Variants in FLG observed in about 807,000 individuals in gnomAD.
The protein encoded by FLG is filaggrin, also known as epidermal filaggrin.
A neutral mutation model predicts 3.8 loss-of-function variants in FLG; 6 were observed. The observed-to-expected ratio is 1.60, with a 90% CI of 0.87 to 3.15. The LOEUF is 3.15. Ranked by LOEUF, FLG falls within the 30% of genes most tolerant of loss-of-function variation. FLG has a pLI of 0.00. For missense variants in FLG, 7,595 were observed against 5,050.9 expected (o/e 1.50, Z -15.27); for synonymous variants, 2,551 against 1,931.6 (o/e 1.32, Z -8.41).
At position 152,314,758 on chromosome 1, in the gene FLG, G is replaced by A. The variant is rs540838582; in HGVS notation, c.139-11C>T. Reference sequence around the variant, plus strand: ...TGGGTCATCTGGATTCTGTACAGAGGGAAGTCACAGAGGGAGACTGCATCA... The same window carrying A: ...TGGGTCATCTGGATTCTGTACAGAGAGAAGTCACAGAGGGAGACTGCATCA... On this transcript the variant is annotated splice_polypyrimidine_tract_variant and intron_variant, in intron 2 of 2. Transcript: ENST00000368799. The A allele has an allele frequency of 1.2e-6, 2 of 1,613,724 alleles. No individual in the cohort carries two copies. The highest frequency in any genetic ancestry group is 1.7e-6 in the Non-Finnish European group (2 of 1,179,812).
In FLG at chr1:152,305,417, C is replaced by T; in HGVS notation, c.9469G>A (p.Gly3157Arg). 1.2e-6 allele frequency: 2 copies of T among 1,603,012 alleles called. No individual in the cohort carries two copies. The highest frequency in any genetic ancestry group is 1.7e-6 in the Non-Finnish European group (2 of 1,178,338). Residue 3157 changes from glycine (G) to arginine (R), a missense_variant, in exon 3 of 3, where the codon GGA becomes AGA. Transcript: ENST00000368799. Reference protein sequence around the residue: ...GRSDASRGQSGSRSASRTTRN... With the variant: ...GRSDASRGQSRSRSASRTTRN... ...GTTGTTCTGCTTGCACTTCTGGATCCTGACTGCCCACGGGAGGCATCAGAC... is the reference window on the plus strand; with the variant it reads ...GTTGTTCTGCTTGCACTTCTGGATCTTGACTGCCCACGGGAGGCATCAGAC...
rs1268296182 is a variant in FLG at position 152,310,509 on chromosome 1, T to C, written c.4377A>G (p.Ala1459=). The C allele has an allele frequency of 1.9e-6, 3 of 1,613,648 alleles. No homozygotes were observed. In the African/African-American group the frequency reaches 4.0e-5, roughly 22 times the overall value. Residue 1459 remains alanine, a synonymous_variant, in exon 3 of 3, where the codon GCA becomes GCG. Transcript: ENST00000368799. ...EQSESTHGQT[A]PSTGGRQGSR... The stretch of plus-strand genomic sequence containing the variant: ...ATCCTTGTCTTCCTCCAGTGCTGGG[T>C]GCAGTCTGTCCGTGTGTGGACTCAG...
chr1:152,307,491 G>A lies in FLG; in HGVS notation c.7395C>T (p.His2465=), dbSNP rs1432255409. The A allele has an allele frequency of 5.0e-6, 8 of 1,613,318 alleles. No homozygotes were observed. In the African/African-American group the frequency reaches 5.4e-5, roughly 11 times the overall value. The change falls in exon 3 of 3, where the codon CAC becomes CAT. Residue 2465 remains histidine, a synonymous_variant. Coordinates refer to ENST00000368799, the MANE Select transcript of FLG (RefSeq NM_002016.2). ...GCCTTCCTCCACTGCTTGACCCCGG[G>A]TGTCCATGAATGGTGTCCTGACCCT... is the stretch of plus-strand genomic sequence containing the variant. The part of the protein sequence containing the change: ...SQEGQDTIHG[H]PGSSSGGRQG...
At position 152,314,506 on chromosome 1, in the gene FLG, C is replaced by G. The variant is rs887142225; in HGVS notation, c.380G>C (p.Ser127Thr). 6.2e-7 allele frequency: 1 copy of G among 1,613,368 alleles called. No homozygotes were observed. The highest frequency in any genetic ancestry group is 8.5e-7 in the Non-Finnish European group (1 of 1,179,870). The change falls in exon 3 of 3, where the codon AGT (serine) becomes ACT (threonine). Residue 127 changes from serine to threonine, a missense_variant. Physicochemically the swap from Ser to Thr is moderately conservative, Grantham distance 58 (BLOSUM62 1). Coordinates refer to ENST00000368799, the MANE Select transcript of FLG (RefSeq NM_002016.2). ...TTTTCTATTGTTTCTTCTTTCCAGACTTGAGGGTCTTTTTCTGTTTTCTTT... is the reference window on the plus strand; with the variant it reads ...TTTTCTATTGTTTCTTCTTTCCAGAGTTGAGGGTCTTTTTCTGTTTTCTTT... ...ENKENRKRPS[S>T]LERRNNRKGN... is the part of the protein sequence containing the mutation.
Position 152,308,717 on chromosome 1 carries a change from G to A in FLG, c.6169C>T (p.Gln2057Ter), listed in dbSNP as rs369424988. 2.8e-5 allele frequency: 45 copies of A among 1,613,998 alleles called. No homozygotes were observed. Among genetic ancestry groups the A allele is most frequent in the Non-Finnish European group, 3.6e-5 (42 of 1,180,010 alleles). Residue 2057 changes from glutamine to a stop codon, truncating the protein, a stop_gained, in exon 3 of 3, where the codon CAG becomes TAG. Coordinates refer to ENST00000368799, the MANE Select transcript of FLG (RefSeq NM_002016.2). LOFTEE classifies it low-confidence loss of function (END_TRUNC). ...GCTTTTCCCTGTGCTGACACTGACT[G>A]TGTGTCTGAGTCTTCTGAATGTCCC... Reference protein sequence around the residue: ...SEGHSEDSDTQSVSAQGKAGP... With the variant: ...SEGHSEDSDT
In FLG at chr1:152,321,157, C is replaced by A. The variant is rs374912641; in HGVS notation, c.-22+4032G>T. Among the ~76,000 whole-genome samples, 20 of 150,564 alleles carry A rather than the reference C, an allele frequency of 1.3e-4. No individual in the cohort carries two copies. In the East Asian group the frequency reaches 2.1e-3, roughly 16 times the overall value. ...ATGATATCTCTTTTTCCCATCCTTTCATTTTCAATCACTGTTATCATTTTT... is the reference window on the plus strand; with the variant it reads ...ATGATATCTCTTTTTCCCATCCTTTAATTTTCAATCACTGTTATCATTTTT... On this transcript the variant is annotated intron_variant, in intron 1 of 2. Coordinates refer to ENST00000368799, the MANE Select transcript of FLG (RefSeq NM_002016.2).
chr1:152,308,749 T>C lies in FLG; in HGVS notation c.6137A>G (p.Asp2046Gly), dbSNP rs1288045858. ...HRGYSGSQASDSEGHSEDSDT... is the reference protein window; with the variant it reads ...HRGYSGSQASGSEGHSEDSDT... ...TGAGTCTTCTGAATGTCCCTCACTGTCACTGGCCTGACTACCACTGTACCC... is the reference window on the plus strand; with the variant it reads ...TGAGTCTTCTGAATGTCCCTCACTGCCACTGGCCTGACTACCACTGTACCC... The change falls in exon 3 of 3, where the codon GAC becomes GGC. Residue 2046 changes from aspartate to glycine, a missense_variant. Coordinates refer to ENST00000368799, the MANE Select transcript of FLG (RefSeq NM_002016.2). 6.2e-7 allele frequency: 1 copy of C among 1,614,174 alleles called. No homozygotes were observed. Among genetic ancestry groups the C allele is most frequent in the Non-Finnish European group, 8.5e-7 (1 of 1,180,002 alleles).
Position 152,304,342 on chromosome 1 carries a change from C to G in FLG, c.10544G>C (p.Ser3515Thr). The change falls in exon 3 of 3, where the codon AGC (serine) becomes ACC (threonine). Residue 3515 changes from serine (S) to threonine (T), a missense_variant. Coordinates refer to ENST00000368799, the MANE Select transcript of FLG (RefSeq NM_002016.2). ...CTGGCCGGACTGTGAGTGTCTAGAG[C>G]TGTCCGCCTGAGTGGAAGCTTCATG... Reference protein sequence around the residue: ...HHHEASTQADSSRHSQSGQGQ... With the variant: ...HHHEASTQADTSRHSQSGQGQ... 1 of 1,611,858 alleles carries G rather than the reference C, an allele frequency of 6.2e-7. No homozygotes were observed. The highest frequency in any genetic ancestry group is 1.1e-5 in the South Asian group (1 of 90,494).
chr1:152,304,452 C>T lies in FLG; in HGVS notation c.10434G>A (p.Gly3478=). The part of the protein sequence containing the change: ...TSQGRSDASR[G]QSGSRSASRQ... ...TGCTGGCACTTCTGGATCCTGACTG[C>T]CCACGGGAGGCATCAGACCTTCCCT... Residue 3478 remains glycine (G), a synonymous_variant, in exon 3 of 3, where the codon GGG becomes GGA. Transcript: ENST00000368799. 6.2e-7 allele frequency: 1 copy of T among 1,612,344 alleles called. No homozygotes were observed. Among genetic ancestry groups the T allele is most frequent in the Non-Finnish European group, 8.5e-7 (1 of 1,179,440 alleles).
At chr1:152,315,253 A>G in intron 2 of FLG, 66 bp downstream of exon 2, 1 of 1,447,322 alleles carries the variant, frequency 6.9e-7, no homozygotes, top group Non-Finnish European at 9.6e-7. Context: ...GCTCAAAATA[A>G]CCCTTGCTTA....
In FLG at chr1:152,310,521, G is replaced by A. The variant is rs142950612; in HGVS notation, c.4365C>T (p.His1455=). ...VSSHEQSEST[H]GQTAPSTGGR... Reference sequence around the variant, plus strand: ...CTCCAGTGCTGGGTGCAGTCTGTCCGTGTGTGGACTCAGACTGTTCATGAG... The same window carrying A: ...CTCCAGTGCTGGGTGCAGTCTGTCCATGTGTGGACTCAGACTGTTCATGAG... Residue 1455 remains histidine (H), a synonymous_variant, in exon 3 of 3, where the codon CAC becomes CAT. Transcript: ENST00000368799. 184 of 1,613,690 alleles carry A rather than the reference G, an allele frequency of 1.1e-4. No individual in the cohort carries two copies. Among genetic ancestry groups the A allele is most frequent in the South Asian group, 5.6e-4 (51 of 91,056 alleles).
rs201990594 is a variant in FLG at position 152,309,911 on chromosome 1, C to G, written c.4975G>C (p.Glu1659Gln). ...GCAGCCTGTCCACCAGAGGAAGTCTCTGCATGACGAGTGCCTGATTGTCTG... is the reference window on the plus strand; with the variant it reads ...GCAGCCTGTCCACCAGAGGAAGTCTGTGCATGACGAGTGCCTGATTGTCTG... ...SSRQSGTRHA[E>Q]TSSGGQAASS... Residue 1659 changes from glutamate (E) to glutamine (Q), a missense_variant, in exon 3 of 3, where the codon GAG becomes CAG. Transcript: ENST00000368799. The G allele has an allele frequency of 8.1e-6, 13 of 1,614,000 alleles. No homozygotes were observed. The Admixed American group carries it at 1.2e-4, about 14-fold the overall frequency.
In FLG at chr1:152,307,366, T is replaced by C. The variant is rs1297870245; in HGVS notation, c.7520A>G (p.His2507Arg). 3 of 1,613,014 alleles carry C rather than the reference T, an allele frequency of 1.9e-6. No individual in the cohort carries two copies. Among genetic ancestry groups the C allele is most frequent in the African/African-American group, 2.7e-5 (2 of 74,818 alleles). Residue 2507 changes from histidine to arginine, a missense_variant, in exon 3 of 3, where the codon CAC becomes CGC. Physicochemically the swap from His to Arg is conservative, Grantham distance 29. Coordinates refer to ENST00000368799, the MANE Select transcript of FLG (RefSeq NM_002016.2). ...SQGRSDASHG[H>R]SGSRSASRQT... is the part of the protein sequence containing the mutation. ...TCTGCTTGCACTTCTGGATCCTGAG[T>C]GCCCATGGGAGGCATCAGACCTTCC...
Position 152,313,644 on chromosome 1 carries a change from G to T in FLG, c.1242C>A (p.His414Gln), listed in dbSNP as rs1471929194. Reference sequence around the variant, plus strand: ...TGGCCTGACTACCGCTAGACCCCCGGTGTCCACGATCGCTGACTGCAGATG... The same window carrying T: ...TGGCCTGACTACCGCTAGACCCCCGTTGTCCACGATCGCTGACTGCAGATG... ...QASSAVSDRG[H>Q]RGSSGSQASD... The change falls in exon 3 of 3, where the codon CAC becomes CAA. Residue 414 changes from histidine to glutamine, a missense_variant. By Grantham distance (24) the His-to-Gln change is conservative (BLOSUM62 0). Coordinates refer to ENST00000368799, the MANE Select transcript of FLG (RefSeq NM_002016.2). 1 of 1,613,588 alleles carries T rather than the reference G, an allele frequency of 6.2e-7. No homozygotes were observed. The highest frequency in any genetic ancestry group is 8.5e-7 in the Non-Finnish European group (1 of 1,179,894).
rs767345769 is a variant in FLG, at chr1:152,311,206, C to G, written c.3680G>C (p.Gly1227Ala). 1 of 1,613,650 alleles carries G rather than the reference C, an allele frequency of 6.2e-7. No individual in the cohort carries two copies. Among genetic ancestry groups the G allele is most frequent in the East Asian group, 2.2e-5 (1 of 44,826 alleles). Residue 1227 changes from glycine (G) to alanine (A), a missense_variant, in exon 3 of 3, where the codon GGA (glycine) becomes GCA (alanine). Physicochemically the swap from Gly to Ala is moderately conservative, Grantham distance 60. Coordinates refer to ENST00000368799, the MANE Select transcript of FLG (RefSeq NM_002016.2). ...SRQTRKDKQS[G>A]DGSRHSGSRH... ...TGACCCTGAGTGCCTGGAGCCGTCT[C>G]CTGATTGTTTGTCCTTACGAGTTTG...
rs1651970993 is a variant in FLG at position 152,306,408 on chromosome 1, A to G, written c.8478T>C (p.Asp2826=). Residue 2826 remains aspartate, a synonymous_variant, in exon 3 of 3, where the codon GAT becomes GAC. Transcript: ENST00000368799. ...HSHTTSQGRS[D]ASRGQSGSRS... ...TGGATCCTGACTGCCCACGGGAGGC[A>G]TCAGACCTTCCCTGGGATGTGGTGT... 6.2e-7 allele frequency: 1 copy of G among 1,603,782 alleles called. No homozygotes were observed. Among genetic ancestry groups the G allele is most frequent in the Non-Finnish European group, 8.5e-7 (1 of 1,179,700 alleles).
chr1:152,312,316 TG>T lies in FLG; in HGVS notation c.2569del (p.His857ThrfsTer5). 2 of 1,613,512 alleles carry T rather than the reference TG, an allele frequency of 1.2e-6. No individual in the cohort carries two copies. Among genetic ancestry groups the T allele is most frequent in the South Asian group, 2.2e-5 (2 of 91,040 alleles). ...SSRRGRQGSH[H>X]EQSVDRSGHS... ...TCCAGACCTATCTACCGATTGCTCG[TG>T]GTGGGACCCCTGCCTTCCTCTTCTG... On this transcript the variant is annotated frameshift_variant, in exon 3 of 3. Transcript: ENST00000368799. LOFTEE classifies it low-confidence loss of function (END_TRUNC).
chr1:152,313,399 T>C lies in FLG; in HGVS notation c.1487A>G (p.His496Arg), dbSNP rs1423838606. 7 of 1,613,584 alleles carry C rather than the reference T, an allele frequency of 4.3e-6. No homozygotes were observed. Among genetic ancestry groups the C allele is most frequent in the Middle Eastern group, 1.7e-4 (1 of 6,056 alleles). The change falls in exon 3 of 3, where the codon CAC becomes CGC. Residue 496 changes from histidine (H) to arginine (R), a missense_variant. Physicochemically the swap from His to Arg is conservative, Grantham distance 29. Transcript: ENST00000368799. The part of the protein sequence containing the change: ...GTSTGGRQGS[H>R]HEQARDSSRH... Reference sequence around the variant, plus strand: ...GGAGCTGTCTCGTGCCTGCTCGTGGTGCGATCCTTGTCTTCCTCCAGTGCT... The same window carrying C: ...GGAGCTGTCTCGTGCCTGCTCGTGGCGCGATCCTTGTCTTCCTCCAGTGCT...
In FLG at chr1:152,303,224, G is replaced by C. The variant is rs1651711628; in HGVS notation, c.11662C>G (p.His3888Asp). 1 of 1,614,102 alleles carries C rather than the reference G, an allele frequency of 6.2e-7. No individual in the cohort carries two copies. Among genetic ancestry groups the C allele is most frequent in the African/African-American group, 1.3e-5 (1 of 75,016 alleles). ...CTTGACTGCTCCCGAGAAGATCCAT[G>C]ATGGTTTCTGGAAGCAGACTCAGAT... Reference protein sequence around the residue: ...RRSESASRNHHGSSREQSRDG... With the variant: ...RRSESASRNHDGSSREQSRDG... The change falls in exon 3 of 3, where the codon CAT becomes GAT. Residue 3888 changes from histidine to aspartate, a missense_variant. Coordinates refer to ENST00000368799, the MANE Select transcript of FLG (RefSeq NM_002016.2).
Sources: allele counts gnomAD v4.1 joint callset (sites outside exome capture counted in the v4.1 genomes callset), GRCh38; gene constraint gnomAD v4.1.1; transcripts MANE v1.5; gene names NCBI Gene and HGNC (gene_info 2026-07-23, HGNC 2026-07-21).